HM13: variants seen among roughly 807,000 people sequenced by gnomAD.
HM13 encodes the protein signal peptide peptidase.
Under a neutral mutation model 50.0 loss-of-function variants are expected in HM13, and 18 were observed. That is an observed-to-expected ratio of 0.36 (90% confidence interval 0.25 to 0.53). The LOEUF (loss-of-function observed/expected upper bound fraction) is 0.53, where lower values mean the gene tolerates loss of function less well. Among genes scored for constraint, HM13 ranks in the 20% least tolerant of loss-of-function variants. The pLI is 0.90. For synonymous variants in HM13, 197 were observed against 232.6 expected, an observed-to-expected ratio of 0.85 and a Z score of 1.39; for missense variants, 393 against 552.4, an observed-to-expected ratio of 0.71 and a Z score of 2.89.
At chr20:31,547,924 C>A in intron 4 of HM13, 1 of 1,242,294 alleles carries the variant, frequency 8.0e-7, no homozygotes, top group Non-Finnish European at 1.2e-6. Flanking sequence ...AGGAAAACAG[C>A]ATGCTCTGTG....
intron 2 of HM13, among the ~76,000 whole-genome samples, chr20:31,537,878 C>G (rs551542673): frequency 6.6e-6 from 1 of 152,302 alleles, no homozygotes; most frequent in East Asian, 1.9e-4. Context: ...ACTCCCTTAT[C>G]CCTTCAGAAC....
intron 12 of HM13, 133 bp from the exon 13 acceptor site, chr20:31,568,987 T>C: frequency 1.6e-6 from 1 of 626,200 alleles, no homozygotes. Flanking sequence ...TGCTGGGCAG[T>C]GGACACAGGG....
At chr20:31,544,849 C>T in intron 3 of HM13, 98 bp from the exon 4 acceptor site, 2 of 901,090 alleles carry the variant, frequency 2.2e-6, no homozygotes, top group Admixed American at 3.5e-5. Context: ...CCTATCAGGA[C>T]AGCTGTAAGG....
At chr20:31,561,053 G>A (rs1234882157) in intron 9 of HM13, among the ~76,000 whole-genome samples, 2 of 152,184 alleles carry the variant, frequency 1.3e-5, no homozygotes, top group Non-Finnish European at 2.9e-5. Context: ...TCACCTCCAG[G>A]AAGCCACTGG....
At chr20:31,530,651 C>T (rs755825189) in intron 2 of HM13, among the ~76,000 whole-genome samples, 4 of 152,008 alleles carry the variant, frequency 2.6e-5, no homozygotes, top group Admixed American at 2.0e-4. Context: ...CCTTGTGATC[C>T]GCCTTCCTTA....
chr20:31,522,124 C>G lies in HM13; in HGVS notation c.184-5360C>G, dbSNP rs549551298. Among the ~76,000 whole-genome samples the G allele has an allele frequency of 6.3e-4, 96 of 152,218 alleles. 1 individual carries two copies. Among genetic ancestry groups the G allele is most frequent in the African/African-American group, 2.0e-3 (84 of 41,524 alleles). ...GCCTCTTCCCACCCAGGGTGCTGAG[C>G]TGAATTGAAAGGAATATGTGGAAAT... On this transcript the variant is annotated intron_variant, in intron 1 of 12. Transcript: ENST00000398174.
intron 2 of HM13, among the ~76,000 whole-genome samples, chr20:31,536,351 G>A (rs1327678202): frequency 1.3e-5 from 2 of 152,166 alleles, no homozygotes; most frequent in African/African-American, 2.4e-5. Context: ...CAACAAGAGC[G>A]AAACTCCATC....
rs1984614942 is a variant in HM13, at chr20:31,561,573, G to A, written c.846-61G>A. The A allele has an allele frequency of 1.5e-5, 17 of 1,131,198 alleles. No homozygotes were observed. In the South Asian group the frequency reaches 1.8e-4, roughly 12 times the overall value. 70.1% of individuals were successfully genotyped at this position (1,131,198 alleles called of 1,614,324 possible). A position where few individuals can be genotyped will look rare whatever the true frequency, so the allele number is the denominator to read the frequency against. ...GTCTTCCCCAGCTCCCTCAGAAGGGGTATTACTAGTTCAGTCCCTATATCT... is the reference window on the plus strand; with the variant it reads ...GTCTTCCCCAGCTCCCTCAGAAGGGATATTACTAGTTCAGTCCCTATATCT... On this transcript the variant is annotated intron_variant, in intron 9 of 12. Transcript: ENST00000398174.
rs142044038 is a variant in HM13, at chr20:31,568,220, G to A, written c.1177G>A (p.Ala393Thr). Residue 393 changes from alanine to threonine, a missense_variant, in exon 12 of 13, where the codon GCC (alanine) becomes ACC (threonine). Ala to Thr is a moderately conservative substitution (Grantham distance 58). Transcript: ENST00000398174. The stretch of plus-strand genomic sequence containing the variant: ...CCGCCGGCGCCCGCAGAATCCCAGC[G>A]CCATGTAATGCCCAGCGGGTGCCCA... ...PRRRRPQNPSAIYEESNPKDP... is the reference protein window; with the variant it reads ...PRRRRPQNPSTIYEESNPKDP... 2.0e-5 allele frequency: 32 copies of A among 1,612,220 alleles called. No homozygotes were observed. Among genetic ancestry groups the A allele is most frequent in the African/African-American group, 1.2e-4 (9 of 74,932 alleles).
In HM13 at chr20:31,515,729, C is replaced by G. The variant is rs539876830; in HGVS notation, c.183+995C>G. The stretch of plus-strand genomic sequence containing the variant: ...CACCTTCTGCTTCTCCCTCCCCCTT[C>G]CCTGCCCCACTTCTTCCCTATATTA... On this transcript the variant is annotated intron_variant, in intron 1 of 12. Coordinates refer to ENST00000398174, the MANE Select transcript of HM13 (RefSeq NM_178581.3). Among the ~76,000 whole-genome samples, 14 of 152,310 alleles carry G rather than the reference C, an allele frequency of 9.2e-5. No homozygotes were observed. The South Asian group carries it at 2.3e-3, about 25-fold the overall frequency.
intron 10 of HM13, chr20:31,563,067 A>C (rs1000775597): frequency 6.6e-6 from 1 of 152,310 alleles, no homozygotes; most frequent in African/African-American, 2.4e-5. Flanking sequence ...GAGCTCTGGC[A>C]CACAGGAGTC....
intron 7 of HM13, among the ~76,000 whole-genome samples, chr20:31,552,362 C>T (rs1033605975): frequency 6.6e-6 from 1 of 152,218 alleles, no homozygotes; most frequent in Non-Finnish European, 1.5e-5. Context: ...TAGCTGAGTT[C>T]AGGGAAAAGA....
chr20:31,568,092 C>T lies in HM13; in HGVS notation c.1049C>T (p.Ala350Val), dbSNP rs766126425. 21 of 1,610,646 alleles carry T rather than the reference C, an allele frequency of 1.3e-5. No homozygotes were observed. Among genetic ancestry groups the T allele is most frequent in the Non-Finnish European group, 1.4e-5 (16 of 1,178,596 alleles). Residue 350 changes from alanine (A) to valine (V), a missense_variant, in exon 12 of 13, where the codon GCG becomes GTG. Physicochemically the swap from Ala to Val is moderately conservative, Grantham distance 64 (BLOSUM62 0). This residue lies in a region of HM13 where 105 missense variants were observed against 115.9 expected (regional missense o/e 0.91). Coordinates refer to ENST00000398174, the MANE Select transcript of HM13 (RefSeq NM_178581.3). ...VTEMFSYESS[A>V]EILPHTPRLT... ...CTCTCACACAGCTACGAGTCCTCGG[C>T]GGAAATCCTGCCTCATACCCCGAGG...
rs7274297 is a variant in HM13 at position 31,552,073 on chromosome 20, G to A, written c.724+1952G>A. Among the ~76,000 whole-genome samples, 1,334 of 152,058 alleles carry A rather than the reference G, an allele frequency of 8.8e-3. 26 individuals carry two copies. Among genetic ancestry groups the A allele is most frequent in the African/African-American group, 0.031 (1,267 of 41,490 alleles). ...CAGCCCCCGAGAACCAAGTGTACAC[G>A]GGGAGGGCATTTCTCCAGAGCAAGG... On this transcript the variant is annotated intron_variant, in intron 7 of 12. Transcript: ENST00000398174.
chr20:31,517,589 G>A (rs1470952528), intron 1 of HM13, among the ~76,000 whole-genome samples: 4 of 152,056 alleles, frequency 2.6e-5, no homozygotes, highest in African/African-American at 4.8e-5. Context: ...CCTCCTGGAG[G>A]GGGCAGCAGT....
At chr20:31,548,128 G>C in intron 4 of HM13, 3 of 938,894 alleles carry the variant, frequency 3.2e-6, no homozygotes, top group Non-Finnish European at 3.5e-6. Context: ...GTGTGTGACA[G>C]CGTGAATACA....
At chr20:31,519,575 C>T (rs1164709167) in intron 1 of HM13, among the ~76,000 whole-genome samples, 1 of 152,160 alleles carries the variant, frequency 6.6e-6, no homozygotes. Context: ...GCAGTGTCAG[C>T]ATCACCCCAG....
intron 3 of HM13, chr20:31,541,820 TCCTCA>T (rs1452780368): frequency 6.6e-6 from 1 of 152,212 alleles, no homozygotes; most frequent in African/African-American, 2.4e-5. Flanking sequence ...ACTTAGACCT[TCCTCA>T]GGATCCAAAC....
At chr20:31,531,632 C>T (rs1413182602) in intron 2 of HM13, among the ~76,000 whole-genome samples, 7 of 151,480 alleles carry the variant, frequency 4.6e-5, no homozygotes, top group Non-Finnish European at 1.0e-4. Flanking sequence ...CGGAGTCTGT[C>T]ACCCAGGCTG....
Sources: allele counts gnomAD v4.1 joint callset (sites outside exome capture counted in the v4.1 genomes callset), GRCh38; gene constraint gnomAD v4.1.1; regional missense constraint gnomAD v4.1.1; transcripts MANE v1.5; gene names NCBI Gene and HGNC (gene_info 2026-07-23, HGNC 2026-07-21).